FAM168A: variants seen among roughly 807,000 people sequenced by gnomAD.
FAM168A encodes family with sequence similarity 168 member A.
Under a neutral mutation model 28.5 loss-of-function variants are expected in FAM168A, and 3 were observed. The ratio of observed to expected loss-of-function variants is 0.11; its 90% confidence interval spans 0.05 to 0.27. FAM168A has a LOEUF of 0.27. Among genes scored for constraint, FAM168A ranks in the 10% least tolerant of loss-of-function variants. The probability of loss-of-function intolerance (pLI) is 1.00; values close to 1 mark genes in which losing one functional copy is unlikely to be tolerated. For synonymous variants in FAM168A, 122 were observed against 124.2 expected, an observed-to-expected ratio of 0.98 and a Z score of 0.12; for missense variants, 222 against 311.5, an observed-to-expected ratio of 0.71 and a Z score of 2.16.
chr11:73,483,779 GA>G (rs1467784261), intron 1 of FAM168A, among the ~76,000 whole-genome samples: 1 of 152,224 alleles, frequency 6.6e-6, no homozygotes, highest in African/African-American at 2.4e-5. Flanking sequence ...TAGAGACAAA[GA>G]TGTCCAACAG....
chr11:73,550,948 A>C (rs1000891210), intron 1 of FAM168A, among the ~76,000 whole-genome samples: 2 of 152,116 alleles, frequency 1.3e-5, no homozygotes, highest in African/African-American at 4.8e-5. Flanking sequence ...TCTACTAAAA[A>C]TACAAAAACA....
At chr11:73,455,251 C>T (rs373678148) in intron 2 of FAM168A, among the ~76,000 whole-genome samples, 14 of 152,218 alleles carry the variant, frequency 9.2e-5, no homozygotes, top group South Asian at 4.1e-4. Flanking sequence ...TTGAGCATGG[C>T]GAGCTGAGTA....
rs766339489 is a variant in FAM168A at position 73,401,107 on chromosome 11, A to ATTG, written c.*5655_*5656insCAA. 6.7e-5 allele frequency: 10 copies of ATTG among 149,282 alleles called. No homozygotes were observed. Among genetic ancestry groups the ATTG allele is most frequent in the Non-Finnish European group, 1.3e-4 (9 of 67,422 alleles). The allele number at this position is 149,282 out of a possible 1,614,324, so 9.2% of individuals were successfully genotyped here. ...TATTATTATTATTATTATTATTATT[A>ATTG]TTATTTTAAATTTTATTTCTTTTTA... On this transcript the variant is annotated 3_prime_UTR_variant, in exon 8 of 8. Transcript: ENST00000356467.
intron 1 of FAM168A, among the ~76,000 whole-genome samples, chr11:73,474,481 T>C (rs1313325454): frequency 6.6e-6 from 1 of 152,090 alleles, no homozygotes; most frequent in Non-Finnish European, 1.5e-5. Flanking sequence ...CCCTGAAAGC[T>C]GGCTCCTCAA....
chr11:73,544,455 T>A (rs1219371128), intron 1 of FAM168A, among the ~76,000 whole-genome samples: 3 of 148,866 alleles, frequency 2.0e-5, no homozygotes, highest in Non-Finnish European at 2.9e-5. Flanking sequence ...ATAAGAAACC[T>A]ATGTCCACAT....
intron 1 of FAM168A, among the ~76,000 whole-genome samples, chr11:73,551,514 C>T (rs1565294989): frequency 6.6e-6 from 1 of 152,174 alleles, no homozygotes. Context: ...ATTCTATAAA[C>T]TAAAAATTTA....
At chr11:73,475,937 C>T (rs1265130038) in intron 1 of FAM168A, among the ~76,000 whole-genome samples, 1 of 152,176 alleles carries the variant, frequency 6.6e-6, no homozygotes, top group Non-Finnish European at 1.5e-5. Context: ...AGGAAGGCCA[C>T]TAATGCAGCT....
chr11:73,471,069 G>T (rs947913019), intron 1 of FAM168A, among the ~76,000 whole-genome samples: 1 of 152,146 alleles, frequency 6.6e-6, no homozygotes. Context: ...ATCTGCCAGG[G>T]TTTCAAACTT....
chr11:73,557,472 C>T (rs1943904316), intron 1 of FAM168A, among the ~76,000 whole-genome samples: 1 of 152,074 alleles, frequency 6.6e-6, no homozygotes, highest in African/African-American at 2.4e-5. Flanking sequence ...TCAAGCGATC[C>T]TCCTGCCTTG....
At chr11:73,416,777 T>G (rs916588173) in intron 4 of FAM168A, among the ~76,000 whole-genome samples, 4 of 152,148 alleles carry the variant, frequency 2.6e-5, no homozygotes, top group Non-Finnish European at 4.4e-5. Flanking sequence ...AAACCCCATC[T>G]CTACAAAAAA....
intron 1 of FAM168A, among the ~76,000 whole-genome samples, chr11:73,582,416 G>A (rs923431899): frequency 4.6e-5 from 7 of 151,894 alleles, no homozygotes; most frequent in African/African-American, 1.5e-4. Context: ...CCAGCTACTC[G>A]GGAGGCTGAG....
chr11:73,505,967 T>G (rs753605080), intron 1 of FAM168A, among the ~76,000 whole-genome samples: 1 of 152,178 alleles, frequency 6.6e-6, no homozygotes, highest in Non-Finnish European at 1.5e-5. Flanking sequence ...AAATTCAATA[T>G]GACTATACAA....
chr11:73,518,764 G>C, intron 1 of FAM168A, among the ~76,000 whole-genome samples: 1 of 152,200 alleles, frequency 6.6e-6, no homozygotes, highest in Admixed American at 6.5e-5. Flanking sequence ...GGGCGTGGTC[G>C]TGCGCACCTG....
At chr11:73,496,873 T>TCACACACACACACACACACACACA (rs71065011) in intron 1 of FAM168A, among the ~76,000 whole-genome samples, 79 of 140,218 alleles carry the variant, frequency 5.6e-4, no homozygotes, top group African/African-American at 1.9e-3. Flanking sequence ...TATGTTCTTA[T>TCACACACACACACACACACACACA]CACACACACA....
intron 2 of FAM168A, among the ~76,000 whole-genome samples, chr11:73,445,167 G>A (rs1198162655): frequency 1.3e-5 from 2 of 151,796 alleles, no homozygotes; most frequent in Non-Finnish European, 2.9e-5. Context: ...GCTGAGGCAG[G>A]AGAATCGCTT....
intron 1 of FAM168A, among the ~76,000 whole-genome samples, chr11:73,483,913 G>A (rs1264270172): frequency 6.6e-6 from 1 of 152,218 alleles, no homozygotes; most frequent in East Asian, 1.9e-4. Flanking sequence ...TATAAAGGCA[G>A]TAAGGAATGA....
chr11:73,411,677 G>T, intron 4 of FAM168A, 141 bp from the exon 5 acceptor site: 1 of 905,972 alleles, frequency 1.1e-6, no homozygotes. Flanking sequence ...ACAGAGAACA[G>T]GGCTCCACCC....
Position 73,457,765 on chromosome 11 carries a change from G to GAAAC in FAM168A, c.70+10639_70+10640insGTTT, listed in dbSNP as rs1867568320. On this transcript the variant is annotated intron_variant, in intron 2 of 7. Coordinates refer to ENST00000356467, the MANE Select transcript of FAM168A (RefSeq NM_015159.3). ...AAAAAAAAAAAGAAAAGAAAAGAAA[G>GAAAC]AAAAGAAAAAAAAGGCTAAAATGGT... Among the ~76,000 whole-genome samples the GAAAC allele has an allele frequency of 6.2e-3, 475 of 76,146 alleles. 5 individuals carry two copies. Among genetic ancestry groups the GAAAC allele is most frequent in the African/African-American group, 0.025 (449 of 18,158 alleles). The allele number at this position is 76,146 out of a possible 152,430, so 50.0% of individuals were successfully genotyped here. A position where few individuals can be genotyped will look rare whatever the true frequency, so the allele number is the denominator to read the frequency against.
intron 2 of FAM168A, among the ~76,000 whole-genome samples, chr11:73,460,338 T>C (rs539988489): frequency 6.6e-6 from 1 of 152,304 alleles, no homozygotes; most frequent in East Asian, 1.9e-4. Flanking sequence ...ACTTCTCTGC[T>C]GTAACCTCCT....
Sources: gnomAD v4.1 joint callset for allele counts (sites outside exome capture counted in the v4.1 genomes callset) on GRCh38, gnomAD v4.1.1 for gene constraint, MANE v1.5 for transcripts, NCBI Gene and HGNC (gene_info 2026-07-23, HGNC 2026-07-21) for gene names.